The following ERC2 variants were observed in gnomAD, a reference collection of about 807,000 sequenced individuals.
The protein encoded by ERC2 is ERC protein 2.
ERC2 carries 42 observed loss-of-function variants against 114.8 expected under a neutral mutation model. That is an observed-to-expected ratio of 0.37 (90% CI 0.29 to 0.47). ERC2 has a LOEUF of 0.47. Among genes scored for constraint, ERC2 ranks in the 20% least tolerant of loss-of-function variants. The pLI is 0.99. For synonymous variants in ERC2, 454 were observed against 425.5 expected (o/e 1.07, Z -0.82); for missense variants, 939 against 1,150.7 (o/e 0.82, Z 2.66).
At chr3:55,917,118 C>A (rs190663736) in intron 13 of ERC2, among the ~76,000 whole-genome samples, 48 of 152,234 alleles carry the variant, frequency 3.2e-4, no homozygotes, top group Admixed American at 7.8e-4. Flanking sequence ...TCCCAAAATT[C>A]CATCATGAAG....
intron 7 of ERC2, among the ~76,000 whole-genome samples, chr3:56,060,758 G>A (rs898734053): frequency 5.3e-5 from 8 of 152,278 alleles, no homozygotes; most frequent in Admixed American, 1.3e-4. Context: ...TATTACAACA[G>A]CCAAATTGAA....
intron 17 of ERC2, among the ~76,000 whole-genome samples, chr3:55,526,236 T>C (rs998151366): frequency 6.6e-6 from 1 of 152,156 alleles, no homozygotes; most frequent in African/African-American, 2.4e-5. Context: ...GCCAGCACCT[T>C]GATTTTGGAC....
chr3:55,643,820 A>T (rs1002487235), intron 17 of ERC2, among the ~76,000 whole-genome samples: 11 of 152,228 alleles, frequency 7.2e-5, no homozygotes, highest in Admixed American at 2.6e-4. Flanking sequence ...TAGAGAAAAA[A>T]TATTAAAATT....
chr3:55,711,899 T>C (rs2063796605), intron 15 of ERC2, among the ~76,000 whole-genome samples: 1 of 152,236 alleles, frequency 6.6e-6, no homozygotes, highest in East Asian at 1.9e-4. Flanking sequence ...ATACACATTT[T>C]AAACTTGGAA....
chr3:55,697,130 T>C (rs1302453353), intron 16 of ERC2, among the ~76,000 whole-genome samples: 1 of 152,130 alleles, frequency 6.6e-6, no homozygotes, highest in East Asian at 1.9e-4. Context: ...AGACAGCAAA[T>C]GCCTTGAAGA....
intron 14 of ERC2, among the ~76,000 whole-genome samples, chr3:55,834,582 A>T (rs1055528513): frequency 1.3e-5 from 2 of 151,870 alleles, no homozygotes; most frequent in Non-Finnish European, 2.9e-5. Flanking sequence ...GACACAACAT[A>T]CAAGAATCTC....
intron 13 of ERC2, among the ~76,000 whole-genome samples, chr3:55,889,501 C>CA (rs1222238000): frequency 6.6e-6 from 1 of 152,100 alleles, no homozygotes; most frequent in African/African-American, 2.4e-5. Context: ...AGCCAGGTCC[C>CA]AAAAAATGAG....
intron 3 of ERC2, among the ~76,000 whole-genome samples, chr3:56,263,255 C>A (rs2053063198): frequency 2.0e-5 from 3 of 151,586 alleles, no homozygotes; most frequent in South Asian, 4.2e-4. Context: ...CCAGCCATCA[C>A]TTCCCCCATG....
chr3:55,780,528 G>A (rs9846380), intron 14 of ERC2, among the ~76,000 whole-genome samples: 32,921 of 151,696 alleles, frequency 0.22, 3,791 homozygotes, highest in Middle Eastern at 0.3. Flanking sequence ...ATCAAAAAGG[G>A]AAAAAAATCA....
chr3:55,539,868 A>G (rs1165926162), intron 17 of ERC2, among the ~76,000 whole-genome samples: 1 of 152,166 alleles, frequency 6.6e-6, no homozygotes. Context: ...TTATTAAAAT[A>G]ATAAAAATAT....
At chr3:56,394,226 G>T (rs1365144692) in intron 2 of ERC2, among the ~76,000 whole-genome samples, 1 of 152,102 alleles carries the variant, frequency 6.6e-6, no homozygotes, top group Non-Finnish European at 1.5e-5. Flanking sequence ...AAATTATCCA[G>T]AATAAAACTT....
At chr3:55,806,580 C>T (rs2059501750) in intron 14 of ERC2, among the ~76,000 whole-genome samples, 1 of 152,062 alleles carries the variant, frequency 6.6e-6, no homozygotes, top group Admixed American at 6.6e-5. Context: ...TGACATTTGG[C>T]AATGTCTGGA....
At chr3:56,336,797 A>G (rs1208404105) in intron 2 of ERC2, among the ~76,000 whole-genome samples, 6 of 152,174 alleles carry the variant, frequency 3.9e-5, no homozygotes, top group African/African-American at 1.4e-4. Context: ...ACTCTGTGTT[A>G]TGTGGCTGAA....
At chr3:56,018,781 A>G in intron 8 of ERC2, 113 bp downstream of exon 8, 1 of 1,194,806 alleles carries the variant, frequency 8.4e-7, no homozygotes, top group South Asian at 1.5e-5. Context: ...GCTGGGACTA[A>G]AGGTAGTGTT....
chr3:55,923,833 T>C (rs577510838), intron 13 of ERC2, among the ~76,000 whole-genome samples: 1 of 152,216 alleles, frequency 6.6e-6, no homozygotes, highest in East Asian at 1.9e-4. Context: ...CACTAATCGA[T>C]TACAGCACTG....
At chr3:55,907,072 C>T (rs1029448754) in intron 13 of ERC2, among the ~76,000 whole-genome samples, 1 of 152,188 alleles carries the variant, frequency 6.6e-6, no homozygotes, top group African/African-American at 2.4e-5. Flanking sequence ...TCACCCAACA[C>T]CTAGCACACA....
chr3:55,919,915 C>G (rs577545788), intron 13 of ERC2, among the ~76,000 whole-genome samples: 2 of 152,136 alleles, frequency 1.3e-5, no homozygotes, highest in East Asian at 3.9e-4. Context: ...GAGTAATTGG[C>G]CTAATAAGTG....
intron 17 of ERC2, among the ~76,000 whole-genome samples, chr3:55,540,087 T>C (rs895168420): frequency 7.2e-5 from 11 of 152,088 alleles, no homozygotes; most frequent in Non-Finnish European, 1.6e-4. Context: ...CTTAGGGAGT[T>C]CTTGGGAGAT....
intron 13 of ERC2, among the ~76,000 whole-genome samples, chr3:55,935,910 A>G (rs138780123): frequency 4.9e-4 from 74 of 152,332 alleles, no homozygotes; most frequent in African/African-American, 1.6e-3. Context: ...TGCCAACAAG[A>G]ATGCCTCTTG....
Sources: allele counts gnomAD v4.1 joint callset (sites outside exome capture counted in the v4.1 genomes callset), GRCh38; gene constraint gnomAD v4.1.1; transcripts MANE v1.5; gene names NCBI Gene and HGNC (gene_info 2026-07-23, HGNC 2026-07-21).